BMS1: variants seen among roughly 807,000 people sequenced by gnomAD.
BMS1 encodes the protein ribosome biogenesis protein BMS1 homolog.
A neutral mutation model predicts 138.7 loss-of-function variants in BMS1; 53 were observed. That is an observed-to-expected ratio of 0.38 (90% CI 0.31 to 0.48). BMS1 has a LOEUF of 0.48. Among genes scored for constraint, BMS1 ranks in the 20% least tolerant of loss-of-function variants. The probability of loss-of-function intolerance (pLI) is 0.97; values close to 1 mark genes in which losing one functional copy is unlikely to be tolerated. For synonymous variants in BMS1, 504 were observed against 539.9 expected, an observed-to-expected ratio of 0.93 and a Z score of 0.92; for missense variants, 1,360 against 1,565.5, an observed-to-expected ratio of 0.87 and a Z score of 2.22.
Position 42,823,596 on chromosome 10 carries a change from C to G in BMS1, c.3281-13C>G. The G allele has an allele frequency of 6.6e-7, 1 of 1,507,160 alleles. No homozygotes were observed. Among genetic ancestry groups the G allele is most frequent in the South Asian group, 1.3e-5 (1 of 75,314 alleles). 93.4% of individuals were successfully genotyped at this position (1,507,160 alleles called of 1,614,324 possible). ...CTTTTGAAAATGTTAAAGTAAATTA[C>G]CTCTCTTTTCAGATATTGTCTTCAT... On this transcript the variant is annotated splice_polypyrimidine_tract_variant and intron_variant, in intron 20 of 22. Coordinates refer to ENST00000374518, the MANE Select transcript of BMS1 (RefSeq NM_014753.4).
chr10:42,818,722 GATGTAGATGCCCTCAGC>G (rs1788717053), intron 15 of BMS1, among the ~76,000 whole-genome samples: 1 of 152,212 alleles, frequency 6.6e-6, no homozygotes, highest in African/African-American at 2.4e-5. Flanking sequence ...CAGGGACTTA[GATGTAGATGCCCTCAGC>G]ATGTAGATGC....
At chr10:42,787,733 C>T (rs1026041467) in intron 4 of BMS1, among the ~76,000 whole-genome samples, 19 of 152,074 alleles carry the variant, frequency 1.2e-4, no homozygotes, top group Admixed American at 1.2e-3. Context: ...GAAGTTGGGA[C>T]CCTTGTTCCT....
chr10:42,797,711 T>C (rs574605530), intron 11 of BMS1, among the ~76,000 whole-genome samples, 188 bp downstream of exon 11: 2 of 152,352 alleles, frequency 1.3e-5, no homozygotes, highest in South Asian at 2.1e-4. Context: ...AGTAGACTTA[T>C]GGGTTTGCTG....
chr10:42,787,375 G>A (rs1279743077), intron 4 of BMS1, 128 bp downstream of exon 4: 3 of 758,142 alleles, frequency 4.0e-6, no homozygotes, highest in Non-Finnish European at 4.5e-6. Context: ...TCAGTGATAC[G>A]GTAGATATGA....
In BMS1 at chr10:42,796,879, A is replaced by T. The variant is rs1164517251; in HGVS notation, c.1635A>T (p.Glu545Asp). The change falls in exon 10 of 23, where the codon GAA becomes GAT. Residue 545 changes from glutamate (E) to aspartate (D), a missense_variant. Physicochemically the swap from Glu to Asp is conservative, Grantham distance 45 (BLOSUM62 2). Coordinates refer to ENST00000374518, the MANE Select transcript of BMS1 (RefSeq NM_014753.4). ...TTTCAGGATCAAAGGCTGCTGGAGA[A>T]GGTAGTAAAGCAGGGCTGTCACCAG... ...KGISGSKAAG[E>D]GSKAGLSPAN... 1 of 1,614,210 alleles carries T rather than the reference A, an allele frequency of 6.2e-7. No individual in the cohort carries two copies. The highest frequency in any genetic ancestry group is 8.5e-7 in the Non-Finnish European group (1 of 1,180,040).
At chr10:42,802,277 G>T (rs1393419004) in intron 13 of BMS1, 59 bp downstream of exon 13, 1 of 1,476,802 alleles carries the variant, frequency 6.8e-7, no homozygotes, top group Non-Finnish European at 9.4e-7. Flanking sequence ...ATTTTCTTCA[G>T]TATCTTAGAC....
chr10:42,827,719 C>T, intron 21 of BMS1, among the ~76,000 whole-genome samples: 1 of 152,100 alleles, frequency 6.6e-6, no homozygotes, highest in East Asian at 1.9e-4. Flanking sequence ...GTTTTCTGTG[C>T]TCTACTAGAT....
At chr10:42,785,755 G>A in intron 3 of BMS1, 83 bp downstream of exon 3, 1 of 1,420,838 alleles carries the variant, frequency 7.0e-7, no homozygotes, top group Non-Finnish European at 9.7e-7. Context: ...TTTCTTGAGT[G>A]GAACATGTTA....
chr10:42,783,427 G>A (rs1162067080), intron 1 of BMS1, among the ~76,000 whole-genome samples: 3 of 152,176 alleles, frequency 2.0e-5, no homozygotes, highest in Non-Finnish European at 4.4e-5. Flanking sequence ...TAATAGTTTG[G>A]ATTTCCTCTG....
In BMS1 at chr10:42,790,554, T is replaced by C. The variant is rs1415770548; in HGVS notation, c.636+43T>C. The C allele has an allele frequency of 2.5e-6, 4 of 1,599,638 alleles. No individual in the cohort carries two copies. In the African/African-American group the frequency reaches 5.4e-5, roughly 22 times the overall value. On this transcript the variant is annotated intron_variant, in intron 5 of 22. Coordinates refer to ENST00000374518, the MANE Select transcript of BMS1 (RefSeq NM_014753.4). The stretch of plus-strand genomic sequence containing the variant: ...TGTTGGATACTAACAGTATAATCCT[T>C]TTAAAATAGACTGAAGAGGCCGGGT...
chr10:42,797,542 G>A lies in BMS1; in HGVS notation c.2089+19G>A, dbSNP rs1233533767. On this transcript the variant is annotated intron_variant, in intron 11 of 22. Coordinates refer to ENST00000374518, the MANE Select transcript of BMS1 (RefSeq NM_014753.4). ...GGGACAGGTAAAGAATTCTGGTTCA[G>A]AACTAGAAATGTTTTAGTTTCTCTG... 6.2e-7 allele frequency: 1 copy of A among 1,608,858 alleles called. No homozygotes were observed. The highest frequency in any genetic ancestry group is 8.5e-7 in the Non-Finnish European group (1 of 1,175,402).
At chr10:42,809,471 G>A (rs1047444899) in intron 13 of BMS1, among the ~76,000 whole-genome samples, 1 of 151,978 alleles carries the variant, frequency 6.6e-6, no homozygotes, top group East Asian at 1.9e-4. Flanking sequence ...ATGTTGCTCA[G>A]GCTGGTCTCA....
chr10:42,793,062 A>C lies in BMS1; in HGVS notation c.1007A>C (p.Tyr336Ser), dbSNP rs751997547. 2 of 1,613,922 alleles carry C rather than the reference A, an allele frequency of 1.2e-6. No homozygotes were observed. Among genetic ancestry groups the C allele is most frequent in the Non-Finnish European group, 1.7e-6 (2 of 1,179,982 alleles). The stretch of plus-strand genomic sequence containing the variant: ...TTAAATGAGAAGGAGAAGCTGGTTT[A>C]TGCGCCTCTTTCTGGAGTTGGGGGT... ...RCLNEKEKLV[Y>S]APLSGVGGVL... Residue 336 changes from tyrosine (Y) to serine (S), a missense_variant, in exon 8 of 23, where the codon TAT becomes TCT. Tyr to Ser is a moderately radical substitution (Grantham distance 144). This residue lies in a region of BMS1 where 697 missense variants were observed against 686.2 expected (regional missense o/e 1.02). Transcript: ENST00000374518.
chr10:42,801,864 A>G (rs186198412), intron 12 of BMS1, among the ~76,000 whole-genome samples: 2 of 152,314 alleles, frequency 1.3e-5, no homozygotes, highest in East Asian at 3.9e-4. Context: ...AAAATTGAAA[A>G]TCAGTTGAAT....
In BMS1 at chr10:42,833,810, T is replaced by C. The variant is rs1313117683; in HGVS notation, c.*2714T>C. ...ATACTAATGGCTTATTAATTTGATA[T>C]TGTCAGCAAGTATGTTGCAAAAACA... On this transcript the variant is annotated 3_prime_UTR_variant, in exon 23 of 23. Transcript: ENST00000374518. 2 of 152,218 alleles carry C rather than the reference T, an allele frequency of 1.3e-5. No individual in the cohort carries two copies. The highest frequency in any genetic ancestry group is 2.9e-5 in the Non-Finnish European group (2 of 68,040). The allele number at this position is 152,218 out of a possible 1,614,324, so 9.4% of individuals were successfully genotyped here. A position where few individuals can be genotyped will look rare whatever the true frequency, so the allele number is the denominator to read the frequency against.
chr10:42,827,019 G>T (rs1478208404), intron 21 of BMS1, among the ~76,000 whole-genome samples: 4 of 152,176 alleles, frequency 2.6e-5, no homozygotes, highest in Admixed American at 2.0e-4. Context: ...TGGTGGTGTG[G>T]GAGGTGGGGC....
At chr10:42,826,765 T>G (rs1169107617) in intron 21 of BMS1, among the ~76,000 whole-genome samples, 1 of 152,164 alleles carries the variant, frequency 6.6e-6, no homozygotes, top group East Asian at 1.9e-4. Context: ...AAGACACTGA[T>G]TCCCTGTGAA....
chr10:42,830,646 T>A (rs902950372), intron 22 of BMS1, among the ~76,000 whole-genome samples: 5 of 152,080 alleles, frequency 3.3e-5, no homozygotes, highest in African/African-American at 1.2e-4. Context: ...CTGTCTCGGT[T>A]AGCTGCACAC....
chr10:42,822,514 G>GA (rs745619487), intron 19 of BMS1, among the ~76,000 whole-genome samples: 31 of 152,010 alleles, frequency 2.0e-4, no homozygotes, highest in African/African-American at 6.8e-4. Flanking sequence ...TTAAGAAAGG[G>GA]AAAAAAATCA....
Sources: allele counts gnomAD v4.1 joint callset (sites outside exome capture counted in the v4.1 genomes callset), GRCh38; gene constraint gnomAD v4.1.1; regional missense constraint gnomAD v4.1.1; transcripts MANE v1.5; gene names NCBI Gene and HGNC (gene_info 2026-07-23, HGNC 2026-07-21).